EYS: variants seen among roughly 807,000 people sequenced by gnomAD.
EYS encodes protein eyes shut homolog.
A neutral mutation model predicts 282.1 loss-of-function variants in EYS; 250 were observed. The observed-to-expected ratio is 0.89, with a 90% CI of 0.80 to 0.98. The LOEUF (loss-of-function observed/expected upper bound fraction) is 0.98. Among genes scored for constraint, EYS ranks in the 50% least tolerant of loss-of-function variants. The pLI, the probability that EYS is intolerant of heterozygous loss-of-function variation, is 0.00. For synonymous variants in EYS, 1,355 were observed against 1,282.9 expected (o/e 1.06, Z -1.20); for missense variants, 4,016 against 3,709.0 (o/e 1.08, Z -2.15).
chr6:65,019,742 T>C (rs1772186758), intron 13 of EYS, among the ~76,000 whole-genome samples: 1 of 152,124 alleles, frequency 6.6e-6, no homozygotes. Context: ...CTCTTAGTAA[T>C]TGTATTAGTC....
At chr6:64,183,913 T>A (rs116001284) in intron 31 of EYS, among the ~76,000 whole-genome samples, 2,294 of 152,270 alleles carry the variant, frequency 0.015, 17 homozygotes, top group East Asian at 0.035. Context: ...TTTCTTTTTT[T>A]AAAAAATTTT....
At chr6:65,167,587 G>T (rs906374873) in intron 12 of EYS, among the ~76,000 whole-genome samples, 4 of 151,160 alleles carry the variant, frequency 2.6e-5, no homozygotes, top group African/African-American at 7.3e-5. Flanking sequence ...TATATAGATG[G>T]ATTAAAAGAT....
At chr6:63,782,579 G>T (rs1303147355) in intron 39 of EYS, among the ~76,000 whole-genome samples, 1 of 152,196 alleles carries the variant, frequency 6.6e-6, no homozygotes, top group Non-Finnish European at 1.5e-5. Context: ...TGGTATTTCT[G>T]TGGGATCGGT....
At chr6:65,358,050 G>A (rs1764561693) in intron 8 of EYS, among the ~76,000 whole-genome samples, 1 of 151,806 alleles carries the variant, frequency 6.6e-6, no homozygotes, top group Non-Finnish European at 1.5e-5. Context: ...AGCGACCTCA[G>A]GTACTACGGT....
chr6:65,297,119 T>G (rs1181208229), intron 11 of EYS, among the ~76,000 whole-genome samples: 2 of 151,340 alleles, frequency 1.3e-5, no homozygotes, highest in African/African-American at 4.8e-5. Flanking sequence ...ATCATTTTAA[T>G]ATAATAATAC....
intron 42 of EYS, among the ~76,000 whole-genome samples, chr6:63,724,221 A>G (rs1768525630): frequency 6.6e-6 from 1 of 152,162 alleles, no homozygotes; most frequent in Non-Finnish European, 1.5e-5. Flanking sequence ...CCACTCAACC[A>G]TGGCTGAGGC....
intron 41 of EYS, among the ~76,000 whole-genome samples, chr6:63,752,443 C>A (rs1418766445): frequency 6.6e-6 from 1 of 150,880 alleles, no homozygotes; most frequent in Non-Finnish European, 1.5e-5. Context: ...TATATAGAGT[C>A]TCTTCATTTT....
Position 65,313,740 on chromosome 6 carries a change from T to C in EYS, c.1767-17621A>G, listed in dbSNP as rs556722316. ...GGCCACCCCATCTCCTACGTGGCCT[T>C]GTAATTGCCTCCTAACTAGTCTCCC... On this transcript the variant is annotated intron_variant, in intron 11 of 42. Coordinates refer to ENST00000503581, the MANE Select transcript of EYS (RefSeq NM_001142800.2). Among the ~76,000 whole-genome samples, 422 of 152,298 alleles carry C rather than the reference T, an allele frequency of 2.8e-3. 5 individuals carry two copies. Among genetic ancestry groups the C allele is most frequent in the Middle Eastern group, 6.8e-3 (2 of 294 alleles).
intron 2 of EYS, among the ~76,000 whole-genome samples, chr6:65,620,255 A>C (rs2149801360): frequency 6.6e-6 from 1 of 152,226 alleles, no homozygotes; most frequent in African/African-American, 2.4e-5. Flanking sequence ...CTATTCAGAG[A>C]TTCAGCTTCT....
At chr6:63,958,085 G>A (rs1765899263) in intron 35 of EYS, among the ~76,000 whole-genome samples, 1 of 140,446 alleles carries the variant, frequency 7.1e-6, no homozygotes. Flanking sequence ...CTATGACCAT[G>A]GTTAATAGTC....
intron 26 of EYS, among the ~76,000 whole-genome samples, chr6:64,449,660 C>G (rs1057273142): frequency 2.0e-5 from 3 of 152,106 alleles, no homozygotes; most frequent in Non-Finnish European, 4.4e-5. Context: ...CTGATCTCTC[C>G]ACAGAAACTC....
intron 12 of EYS, among the ~76,000 whole-genome samples, chr6:65,218,805 G>GA (rs1346777499): frequency 2.0e-5 from 3 of 152,078 alleles, no homozygotes; most frequent in Non-Finnish European, 4.4e-5. Context: ...CTAGAATGGA[G>GA]AAAAAAATTA....
intron 30 of EYS, among the ~76,000 whole-genome samples, chr6:64,283,067 C>T (rs1768365820): frequency 6.6e-6 from 1 of 152,130 alleles, no homozygotes; most frequent in Admixed American, 6.5e-5. Context: ...TAATATTCTA[C>T]TACATCTTCC....
At chr6:64,038,141 CTGGGGGTTAAG>C (rs1447174351) in intron 33 of EYS, among the ~76,000 whole-genome samples, 1 of 149,570 alleles carries the variant, frequency 6.7e-6, no homozygotes, top group African/African-American at 2.5e-5. Context: ...GTGGTTGAGG[CTGGGGGTTAAG>C]TGGGGATGTG....
At chr6:64,905,678 A>G (rs554045988) in intron 16 of EYS, among the ~76,000 whole-genome samples, 1 of 152,280 alleles carries the variant, frequency 6.6e-6, no homozygotes, top group African/African-American at 2.4e-5. Context: ...ATCACTTAGT[A>G]TTTTCTCTTT....
chr6:64,452,562 G>A (rs1018465586), intron 26 of EYS, among the ~76,000 whole-genome samples: 4 of 152,178 alleles, frequency 2.6e-5, no homozygotes, highest in East Asian at 1.9e-4. Flanking sequence ...TCAATCCTAA[G>A]CCAAAAGAAC....
At chr6:63,975,807 A>G (rs1394365079) in intron 35 of EYS, among the ~76,000 whole-genome samples, 2 of 151,990 alleles carry the variant, frequency 1.3e-5, no homozygotes, top group Admixed American at 6.6e-5. Flanking sequence ...TAGAAGGTGA[A>G]CTTTTATTTG....
chr6:64,945,888 A>G lies in EYS; in HGVS notation c.2286T>C (p.Asp762=). 2 of 1,548,056 alleles carry G rather than the reference A, an allele frequency of 1.3e-6. No individual in the cohort carries two copies. Among genetic ancestry groups the G allele is most frequent in the Non-Finnish European group, 8.7e-7 (1 of 1,144,246 alleles). The part of the protein sequence containing the change: ...HLSYQCVCLS[D]WEGNFCEQES... The stretch of plus-strand genomic sequence containing the variant: ...CTTGTTCACAAAAATTTCCTTCCCA[A>G]TCAGATAGGCACACACACTGGTAGC... Residue 762 remains aspartate, a synonymous_variant, in exon 15 of 43, where the codon GAT becomes GAC. Transcript: ENST00000503581.
At chr6:64,765,298 G>T (rs547548708) in intron 22 of EYS, among the ~76,000 whole-genome samples, 2 of 152,222 alleles carry the variant, frequency 1.3e-5, no homozygotes, top group African/African-American at 4.8e-5. Context: ...CTCCATCTGA[G>T]AACACCTTAG....
Sources: allele counts gnomAD v4.1 joint callset (sites outside exome capture counted in the v4.1 genomes callset), GRCh38; gene constraint gnomAD v4.1.1; transcripts MANE v1.5; gene names NCBI Gene and HGNC (gene_info 2026-07-23, HGNC 2026-07-21).